The following LTBP1 variants were observed in gnomAD, a reference collection of about 807,000 sequenced individuals.
The protein encoded by LTBP1 is latent-transforming growth factor beta-binding protein 1.
LTBP1 carries 129 observed loss-of-function variants against 207.6 expected under a neutral mutation model. The observed-to-expected ratio is 0.62, with a 90% CI of 0.54 to 0.72. The LOEUF (loss-of-function observed/expected upper bound fraction) is 0.72. Ranked by LOEUF, LTBP1 falls within the 30% of genes least tolerant of loss-of-function variation. LTBP1 has a pLI of 0.00. For synonymous variants in LTBP1, 963 were observed against 833.7 expected (o/e 1.16, Z -2.67); for missense variants, 2,281 against 2,217.2 (o/e 1.03, Z -0.58).
intron 3 of LTBP1, among the ~76,000 whole-genome samples, chr2:33,037,488 C>T (rs991353414): frequency 6.6e-6 from 1 of 152,042 alleles, no homozygotes; most frequent in African/African-American, 2.4e-5. Flanking sequence ...TTCAAATTTC[C>T]TTAGTGTATG....
intron 16 of LTBP1, 82 bp from the exon 17 acceptor site, chr2:33,274,883 A>G: frequency 7.3e-7 from 1 of 1,370,512 alleles, no homozygotes; most frequent in Non-Finnish European, 1.0e-6. Flanking sequence ...CCCAGGGAAT[A>G]GTATGATGGT....
In LTBP1 at chr2:33,399,100, G is replaced by C. The variant is rs1410893110; in HGVS notation, c.*555G>C. 2 of 152,782 alleles carry C rather than the reference G, an allele frequency of 1.3e-5. No homozygotes were observed. The highest frequency in any genetic ancestry group is 4.1e-4 in the South Asian group (2 of 4,832). The allele number at this position is 152,782 out of a possible 1,614,324, so 9.5% of individuals were successfully genotyped here. A position where few individuals can be genotyped will look rare whatever the true frequency, so the allele number is the denominator to read the frequency against. On this transcript the variant is annotated 3_prime_UTR_variant, in exon 34 of 34. Coordinates refer to ENST00000404816, the MANE Select transcript of LTBP1 (RefSeq NM_206943.4). ...TTGTCTGTCCTGTGGAGCAGGCAGT[G>C]ATTTTGTTCCAAAACTTTGTATACA...
intron 10 of LTBP1, among the ~76,000 whole-genome samples, chr2:33,244,533 A>G (rs550108376): frequency 1.3e-5 from 2 of 152,328 alleles, no homozygotes; most frequent in East Asian, 1.9e-4. Context: ...ATCATATGCC[A>G]TTAGAGAGGA....
chr2:33,138,480 G>T (rs2082321214), intron 5 of LTBP1, among the ~76,000 whole-genome samples: 1 of 149,550 alleles, frequency 6.7e-6, no homozygotes, highest in South Asian at 2.1e-4. Context: ...CTTGCTGTTT[G>T]CCCCACCCCT....
intron 5 of LTBP1, among the ~76,000 whole-genome samples, chr2:33,141,812 C>G (rs2082664278): frequency 6.6e-6 from 1 of 152,146 alleles, no homozygotes; most frequent in African/African-American, 2.4e-5. Flanking sequence ...GAGCATTCTT[C>G]CAGACTTTTC....
intron 3 of LTBP1, among the ~76,000 whole-genome samples, chr2:33,071,477 C>T (rs931270081): frequency 6.6e-6 from 1 of 152,162 alleles, no homozygotes; most frequent in African/African-American, 2.4e-5. Flanking sequence ...GCAGTGGGAT[C>T]ATTGGGTGCC....
chr2:32,955,698 TA>T (rs1319160333), intron 2 of LTBP1, among the ~76,000 whole-genome samples: 8 of 152,190 alleles, frequency 5.3e-5, no homozygotes, highest in African/African-American at 1.7e-4. Context: ...GTCATGTTTT[TA>T]AAAGCTCCCT....
intron 4 of LTBP1, among the ~76,000 whole-genome samples, chr2:33,133,516 G>A (rs541136406): frequency 2.0e-5 from 3 of 152,286 alleles, no homozygotes; most frequent in South Asian, 2.1e-4. Flanking sequence ...GGGGCCTATC[G>A]CAGATGTAGC....
At chr2:33,213,927 C>T (rs2090498578) in intron 7 of LTBP1, among the ~76,000 whole-genome samples, 1 of 152,196 alleles carries the variant, frequency 6.6e-6, no homozygotes, top group South Asian at 2.1e-4. Context: ...CGGCCTGAAT[C>T]ATGTAATGAA....
rs2080346588 is a variant in LTBP1 at position 33,110,590 on chromosome 2, C to T, written c.872C>T (p.Pro291Leu). 6.2e-7 allele frequency: 1 copy of T among 1,612,850 alleles called. No individual in the cohort carries two copies. The highest frequency in any genetic ancestry group is 2.2e-5 in the East Asian group (1 of 44,864). The change falls in exon 4 of 34, where the codon CCT becomes CTT. Residue 291 changes from proline (P) to leucine (L), a missense_variant. By Grantham distance (98) the Pro-to-Leu change is moderately conservative. Around this residue, in one of 3 missense-constraint regions of LTBP1, gnomAD observed 555 missense variants for 491.0 expected, o/e 1.13. Transcript: ENST00000404816. The part of the protein sequence containing the change: ...LPQQIHSQVT[P>L]LSSQSVVIHH... The stretch of plus-strand genomic sequence containing the variant: ...ATTTTGTTTCTTCCCAGAGTGACTC[C>T]TCTTTCTTCCCAGAGTGTGGTGATT...
intron 2 of LTBP1, among the ~76,000 whole-genome samples, chr2:32,967,782 A>G (rs900952991): frequency 6.6e-6 from 1 of 152,160 alleles, no homozygotes; most frequent in African/African-American, 2.4e-5. Flanking sequence ...AGTAAAATGT[A>G]TATTCTGCTG....
intron 20 of LTBP1, among the ~76,000 whole-genome samples, chr2:33,298,650 A>G (rs191247566): frequency 4.7e-4 from 72 of 152,342 alleles, no homozygotes; most frequent in African/African-American, 1.7e-3. Flanking sequence ...AGTGTTTGAA[A>G]GGTATAAAAT....
chr2:33,184,458 G>T (rs1293559413), intron 5 of LTBP1, among the ~76,000 whole-genome samples: 1 of 152,038 alleles, frequency 6.6e-6, no homozygotes, highest in East Asian at 1.9e-4. Context: ...TCCTTTCTAT[G>T]CATTGTCTTC....
chr2:33,075,984 T>C (rs1381506227), intron 3 of LTBP1, among the ~76,000 whole-genome samples: 1 of 152,238 alleles, frequency 6.6e-6, no homozygotes, highest in Non-Finnish European at 1.5e-5. Flanking sequence ...CAAAAGTTTC[T>C]GATTTCTTAG....
intron 3 of LTBP1, among the ~76,000 whole-genome samples, chr2:33,057,995 T>G (rs1255076448): frequency 1.3e-5 from 2 of 152,234 alleles, no homozygotes; most frequent in Admixed American, 6.5e-5. Context: ...CCTCTCAATA[T>G]CACTGTCTTA....
At position 33,384,512 on chromosome 2, in the gene LTBP1, A is replaced by G. The variant is rs1430871480; in HGVS notation, c.4712-4672A>G. ...GGGTCTCAAATGGGATTGCCTCCAA[A>G]GTGCACCTCTCAGGGCAAGCCCTGC... is the stretch of plus-strand genomic sequence containing the variant. On this transcript the variant is annotated intron_variant, in intron 31 of 33. Transcript: ENST00000404816. Among the ~76,000 whole-genome samples, 3 of 152,208 alleles carry G rather than the reference A, an allele frequency of 2.0e-5. No homozygotes were observed. The East Asian group carries it at 5.8e-4, about 29-fold the overall frequency.
chr2:32,956,936 A>G (rs976812403), intron 2 of LTBP1, among the ~76,000 whole-genome samples: 6 of 152,240 alleles, frequency 3.9e-5, no homozygotes, highest in Middle Eastern at 3.2e-3. Flanking sequence ...GACCAGGTGC[A>G]TAGTCAGTGA....
chr2:33,208,426 A>G (rs1347650849), intron 7 of LTBP1, among the ~76,000 whole-genome samples: 2 of 152,204 alleles, frequency 1.3e-5, no homozygotes, highest in African/African-American at 2.4e-5. Flanking sequence ...AACTCTTCTC[A>G]GGAAGGTAGA....
intron 4 of LTBP1, among the ~76,000 whole-genome samples, chr2:33,120,443 C>T (rs1397834802): frequency 3.9e-5 from 6 of 152,082 alleles, no homozygotes; most frequent in African/African-American, 1.2e-4. Context: ...ATGTGGTATT[C>T]GGTTTTCTGT....
Sources: allele counts gnomAD v4.1 joint callset (sites outside exome capture counted in the v4.1 genomes callset), GRCh38; gene constraint gnomAD v4.1.1; regional missense constraint gnomAD v4.1.1; transcripts MANE v1.5; gene names NCBI Gene and HGNC (gene_info 2026-07-23, HGNC 2026-07-21).